TTN: variants seen among roughly 807,000 people sequenced by gnomAD.
TTN encodes the protein connectin.
TTN carries 1,525 observed loss-of-function variants against 3,223.0 expected under a neutral mutation model. The ratio of observed to expected loss-of-function variants is 0.47; its 90% CI spans 0.45 to 0.49. TTN has a LOEUF of 0.49. Among genes scored for constraint, TTN ranks in the 20% least tolerant of loss-of-function variants. The pLI is 0.00. For missense variants in TTN, 40,786 were observed against 43,424.0 expected (o/e 0.94, Z 5.40); for synonymous variants, 14,094 against 15,161.0 (o/e 0.93, Z 5.17).
Position 178,646,511 on chromosome 2 carries a change from G to A in TTN, c.40271C>T (p.Pro13424Leu), listed in dbSNP as rs2062025633. ...TTTTACTGGTATTTCTTCAGGCTGT[G>A]GTTCAGGTTCGGGCTCTTCAGGTTT... Reference protein sequence around the residue: ...YIKPEEPEPEPQPEEIPVKEP... With the variant: ...YIKPEEPEPELQPEEIPVKEP... The change falls in exon 216 of 363, where the codon CCA becomes CTA. Residue 13424 changes from proline (P) to leucine (L), a missense_variant. Coordinates refer to ENST00000589042, the MANE Select transcript of TTN (RefSeq NM_001267550.2). The A allele has an allele frequency of 6.5e-7, 1 of 1,547,798 alleles. No individual in the cohort carries two copies. Among genetic ancestry groups the A allele is most frequent in the Non-Finnish European group, 8.7e-7 (1 of 1,145,108 alleles).
intron 127 of TTN, among the ~76,000 whole-genome samples, chr2:178,687,368 A>G (rs149291031): frequency 8.0e-4 from 120 of 149,094 alleles, no homozygotes; most frequent in African/African-American, 2.6e-3. Flanking sequence ...AAATATCCCA[A>G]TGGAATAGTT....
chr2:178,724,187 A>G lies in TTN; in HGVS notation c.21116-44T>C, dbSNP rs1458699956. The G allele has an allele frequency of 3.2e-6, 5 of 1,585,006 alleles. 1 individual carries two copies. In the South Asian group the frequency reaches 4.7e-5, roughly 15 times the overall value. ...GAGACTCATCATGATTTGAAAGAAT[A>G]GAAGAGACTTGAAAGAAGGAAACTT... On this transcript the variant is annotated intron_variant, in intron 72 of 362. Transcript: ENST00000589042.
chr2:178,570,387 G>A lies in TTN; in HGVS notation c.75745C>T (p.Arg25249Cys), dbSNP rs397517702. 649 of 1,613,142 alleles carry A rather than the reference G, an allele frequency of 4.0e-4. 6 individuals carry two copies. The South Asian group carries it at 6.9e-3, about 17-fold the overall frequency. The change falls in exon 326 of 363, where the codon CGC becomes TGC. Residue 25249 changes from arginine (R) to cysteine (C), a missense_variant. By Grantham distance (180) the Arg-to-Cys change is radical (BLOSUM62 -3). Coordinates refer to ENST00000589042, the MANE Select transcript of TTN (RefSeq NM_001267550.2). ...NYIVERRETS[R>C]LVWTVVDANV... ...GCATCAACCACAGTCCAAACTAAGC[G>A]GCTGGTTTCTCTCCTTTCCACAATA...
chr2:178,671,775 A>G (rs1041408344), intron 155 of TTN, among the ~76,000 whole-genome samples, 196 bp downstream of exon 155: 7 of 151,814 alleles, frequency 4.6e-5, no homozygotes, highest in Non-Finnish European at 1.0e-4. Context: ...ATAAGTAGAT[A>G]TCAAATATTA....
chr2:178,779,114 G>A lies in TTN; in HGVS notation c.3968C>T (p.Ala1323Val), dbSNP rs774954394. The change falls in exon 24 of 363, where the codon GCT (alanine) becomes GTT (valine). Residue 1323 changes from alanine to valine, a missense_variant. Transcript: ENST00000589042. ...KMSGYPLPKI[A>V]WYKDGKRIKH... ...GATGCGCTTGCCATCTTTGTACCAA[G>A]CAATCTGCAAAGAATACCATGCATG... 1 of 1,613,682 alleles carries A rather than the reference G, an allele frequency of 6.2e-7. No individual in the cohort carries two copies. Among genetic ancestry groups the A allele is most frequent in the Admixed American group, 1.7e-5 (1 of 59,978 alleles).
chr2:178,565,750 C>T lies in TTN; in HGVS notation c.80382G>A (p.Gln26794=). Residue 26794 remains glutamine (Q), a synonymous_variant, in exon 326 of 363, where the codon CAG becomes CAA. Transcript: ENST00000589042. ...PGKVTLTDVS[Q]TSASLMWEKP... is the part of the protein sequence containing the mutation. ...TCTCCCACATAAGTGATGCACTGGT[C>T]TGGGACACATCAGTGAGTGTAACCT... 1.9e-6 allele frequency: 3 copies of T among 1,613,564 alleles called. No individual in the cohort carries two copies. The highest frequency in any genetic ancestry group is 1.1e-5 in the South Asian group (1 of 91,082).
rs370070176 is a variant in TTN at position 178,570,464 on chromosome 2, G to A, written c.75668C>T (p.Thr25223Ile). ...CTGAAGTGGGGGTTTCCAAGCTAGT[G>A]TGCATTTTTCTGCTGTAACTCCTGA... Reference protein sequence around the residue: ...VISGVTAEKCTLAWKPPLQDG... With the variant: ...VISGVTAEKCILAWKPPLQDG... Residue 25223 changes from threonine (T) to isoleucine (I), a missense_variant, in exon 326 of 363, where the codon ACA becomes ATA. Transcript: ENST00000589042. 4.4e-5 allele frequency: 71 copies of A among 1,613,224 alleles called. No homozygotes were observed. The Middle Eastern group carries it at 6.6e-4, about 15-fold the overall frequency.
chr2:178,664,950 A>T, intron 165 of TTN, 24 bp from the exon 166 acceptor site: 1 of 1,590,154 alleles, frequency 6.3e-7, no homozygotes, highest in East Asian at 2.3e-5. Flanking sequence ...AGCAATTCAC[A>T]TTTAAGAGTT....
chr2:178,686,198 G>A (rs1259559555), intron 127 of TTN, among the ~76,000 whole-genome samples: 2 of 129,204 alleles, frequency 1.5e-5, no homozygotes, highest in African/African-American at 3.0e-5. Context: ...TCGGCTCACT[G>A]CAAGCTCCGC....
intron 43 of TTN, among the ~76,000 whole-genome samples, chr2:178,759,904 T>C (rs887613077): frequency 2.0e-5 from 3 of 152,188 alleles, no homozygotes; most frequent in African/African-American, 4.8e-5. Context: ...CTTAAAATAA[T>C]AGAAAGTAAA....
intron 13 of TTN, among the ~76,000 whole-genome samples, chr2:178,787,540 A>C (rs1378093373): frequency 6.6e-6 from 1 of 152,160 alleles, no homozygotes; most frequent in African/African-American, 2.4e-5. Context: ...TTGTAGTGTG[A>C]TCACATTTCC....
In TTN at chr2:178,551,132, G is replaced by A. The variant is rs775591945; in HGVS notation, c.91399C>T (p.Arg30467Cys). 1.8e-4 allele frequency: 284 copies of A among 1,613,252 alleles called. No homozygotes were observed. The highest frequency in any genetic ancestry group is 2.2e-4 in the Non-Finnish European group (264 of 1,179,648). ...TCAGTAAAGTTGCATCTCACCCAGC[G>A]TTCATTTCCTTGCCGTTTCTCAATG... ...YSIEKRQGNE[R>C]WVRCNFTDVS... The change falls in exon 336 of 363, where the codon CGC becomes TGC. Residue 30467 changes from arginine (R) to cysteine (C), a missense_variant. Coordinates refer to ENST00000589042, the MANE Select transcript of TTN (RefSeq NM_001267550.2).
rs762173583 is a variant in TTN at position 178,590,209 on chromosome 2, G to C, written c.61516C>G (p.Pro20506Ala). The C allele has an allele frequency of 1.9e-6, 3 of 1,605,548 alleles. No individual in the cohort carries two copies. Among genetic ancestry groups the C allele is most frequent in the East Asian group, 4.5e-5 (2 of 44,698 alleles). The part of the protein sequence containing the change: ...ILARVKGRPE[P>A]DITWTKEGKV... ...CCTTCCTTAGTCCAAGTTATGTCTGGTTCAGGTCTGCCTTTGACTCGAGCT... is the reference window on the plus strand; with the variant it reads ...CCTTCCTTAGTCCAAGTTATGTCTGCTTCAGGTCTGCCTTTGACTCGAGCT... The change falls in exon 304 of 363, where the codon CCA becomes GCA. Residue 20506 changes from proline to alanine, a missense_variant. Transcript: ENST00000589042.
chr2:178,534,439 T>C lies in TTN; in HGVS notation c.102176A>G (p.Lys34059Arg), dbSNP rs1690541706. ...FVDRLLVKER[K>R]SRMTASEALQ... ...AGCCTCCGATGCTGTCATGCGAGAT[T>C]TCCTCTCTTTCACTAACAACCGGTC... Residue 34059 changes from lysine (K) to arginine (R), a missense_variant, in exon 358 of 363, where the codon AAA becomes AGA. Physicochemically the swap from Lys to Arg is conservative, Grantham distance 26 (BLOSUM62 2). Transcript: ENST00000589042. 6.2e-7 allele frequency: 1 copy of C among 1,612,904 alleles called. No individual in the cohort carries two copies. Among genetic ancestry groups the C allele is most frequent in the African/African-American group, 1.3e-5 (1 of 75,060 alleles).
Position 178,776,760 on chromosome 2 carries a change from T to C in TTN, c.5104A>G (p.Lys1702Glu). Reference protein sequence around the residue: ...GDLYDKEKQQKPFFKKKLTSL... With the variant: ...GDLYDKEKQQEPFFKKKLTSL... ...GTGAGTTTTTTCTTGAAAAATGGTT[T>C]CTGTTGTTTCTCTTTGTCATAGAGA... The change falls in exon 28 of 363, where the codon AAA becomes GAA. Residue 1702 changes from lysine (K) to glutamate (E), a missense_variant. Transcript: ENST00000589042. 6.2e-7 allele frequency: 1 copy of C among 1,614,134 alleles called. No individual in the cohort carries two copies. The highest frequency in any genetic ancestry group is 8.5e-7 in the Non-Finnish European group (1 of 1,180,018).
At position 178,552,778 on chromosome 2, in the gene TTN, T is replaced by C; in HGVS notation, c.90122A>G (p.Asp30041Gly). The C allele has an allele frequency of 8.1e-6, 13 of 1,613,924 alleles. No individual in the cohort carries two copies. Among genetic ancestry groups the C allele is most frequent in the East Asian group, 2.2e-5 (1 of 44,866 alleles). ...GAGGATGACAGATGTCTTTGTTGAG[T>C]CTTTCATTGAGAGATCACGTATAGG... ...PAPIRDLSMK[D>G]STKTSVILSW... Residue 30041 changes from aspartate to glycine, a missense_variant, in exon 335 of 363, where the codon GAC (aspartate) becomes GGC (glycine). Physicochemically the swap from Asp to Gly is moderately conservative, Grantham distance 94. Transcript: ENST00000589042.
In TTN at chr2:178,649,262, A is replaced by T; in HGVS notation, c.40043T>A (p.Val13348Asp). Reference sequence around the variant, plus strand: ...ATGGTAGGTACCTTTTTCTGGAAGAACTTCTGGTTTTTTGGTAACAGGCAC... The same window carrying T: ...ATGGTAGGTACCTTTTTCTGGAAGATCTTCTGGTTTTTTGGTAACAGGCAC... The part of the protein sequence containing the change: ...EPVPVTKKPE[V>D]LPEKVPKVPE... Residue 13348 changes from valine (V) to aspartate (D), a missense_variant, in exon 213 of 363, where the codon GTT (valine) becomes GAT (aspartate). By Grantham distance (152) the Val-to-Asp change is radical (BLOSUM62 -3). Transcript: ENST00000589042. The T allele has an allele frequency of 6.7e-7, 1 of 1,500,438 alleles. No homozygotes were observed. Among genetic ancestry groups the T allele is most frequent in the Non-Finnish European group, 8.8e-7 (1 of 1,130,532 alleles). The allele number at this position is 1,500,438 out of a possible 1,614,324, so 92.9% of individuals were successfully genotyped here. A position where few individuals can be genotyped will look rare whatever the true frequency, so the allele number is the denominator to read the frequency against.
At position 178,544,454 on chromosome 2, in the gene TTN, G is replaced by T; in HGVS notation, c.95775C>A (p.Ser31925Arg). ...TGGGTTTGGTCCATGCCAAACTAAT[G>T]CTGTGTTTGGTGGTATCCACAACTC... ...APRVVDTTKH[S>R]ISLAWTKPMY... The change falls in exon 345 of 363, where the codon AGC becomes AGA. Residue 31925 changes from serine (S) to arginine (R), a missense_variant. Physicochemically the swap from Ser to Arg is moderately radical, Grantham distance 110. Transcript: ENST00000589042. 6.2e-7 allele frequency: 1 copy of T among 1,613,424 alleles called. No individual in the cohort carries two copies.
rs1054912076 is a variant in TTN, at chr2:178,724,508, G to A, written c.20867C>T (p.Pro6956Leu). 1.9e-6 allele frequency: 3 copies of A among 1,601,396 alleles called. No individual in the cohort carries two copies. The highest frequency in any genetic ancestry group is 2.2e-5 in the East Asian group (1 of 44,542). Reference sequence around the variant, plus strand: ...CGTTTCTCCTACAGTCACCGTCATCGGTCCTGCCTTCTCAACAATGACTGC... The same window carrying A: ...CGTTTCTCCTACAGTCACCGTCATCAGTCCTGCCTTCTCAACAATGACTGC... ...EPAVIVEKAG[P>L]MTVTVGETCT... Residue 6956 changes from proline (P) to leucine (L), a missense_variant, in exon 72 of 363, where the codon CCG becomes CTG. Coordinates refer to ENST00000589042, the MANE Select transcript of TTN (RefSeq NM_001267550.2).
Sources: gnomAD v4.1 joint callset for allele counts (sites outside exome capture counted in the v4.1 genomes callset) on GRCh38, gnomAD v4.1.1 for gene constraint, MANE v1.5 for transcripts, NCBI Gene and HGNC (gene_info 2026-07-23, HGNC 2026-07-21) for gene names.